Variants in POLK observed in about 807,000 individuals in gnomAD.
POLK encodes DNA polymerase kappa, also known as polymerase (DNA directed) kappa.
A neutral mutation model predicts 94.0 loss-of-function variants in POLK; 76 were observed. The ratio of observed to expected loss-of-function variants is 0.81; its 90% CI spans 0.67 to 0.98. The LOEUF is 0.98. POLK is among the 50% of genes least tolerant of loss of function. The pLI, the probability that POLK is intolerant of heterozygous loss-of-function variation, is 0.00. For synonymous variants in POLK, 349 were observed against 325.4 expected (o/e 1.07, Z -0.78); for missense variants, 954 against 1,010.1 (o/e 0.94, Z 0.75).
intron 5 of POLK, among the ~76,000 whole-genome samples, chr5:75,576,014 G>C (rs1771854240): frequency 6.6e-6 from 1 of 151,830 alleles, no homozygotes; most frequent in African/African-American, 2.4e-5. Flanking sequence ...TAATACTTAA[G>C]TGGTTAGAAA....
At chr5:75,530,414 T>C (rs926959370) in intron 1 of POLK, among the ~76,000 whole-genome samples, 3 of 115,216 alleles carry the variant, frequency 2.6e-5, no homozygotes, top group Admixed American at 8.6e-5. Flanking sequence ...TTTTTTTTTT[T>C]TTTTTTTTGA....
At chr5:75,536,636 T>G (rs1032579912) in intron 1 of POLK, among the ~76,000 whole-genome samples, 1 of 152,024 alleles carries the variant, frequency 6.6e-6, no homozygotes, top group Non-Finnish European at 1.5e-5. Flanking sequence ...CCCTGGGTGT[T>G]TGCTGGGACA....
exon 15 of POLK, chr5:75,600,937 C>A (rs1276047327): frequency 6.6e-6 from 1 of 152,022 alleles, no homozygotes; most frequent in East Asian, 1.9e-4. Flanking sequence ...GTCCCCAGAA[C>A]CAGAATAATG....
intron 1 of POLK, chr5:75,535,073 T>C (rs1769378241): frequency 6.6e-6 from 1 of 152,260 alleles, no homozygotes; most frequent in Non-Finnish European, 1.5e-5. Context: ...TAGTTAAATG[T>C]GCTTTTGTAG....
At chr5:75,512,775 T>G (rs1386527088) in intron 1 of POLK, 5 of 150,530 alleles carry the variant, frequency 3.3e-5, no homozygotes, top group African/African-American at 1.2e-4. Flanking sequence ...TTATTAAACC[T>G]TAGAAAGAGT....
At chr5:75,518,660 G>A (rs1457959481) in intron 1 of POLK, among the ~76,000 whole-genome samples, 1 of 151,888 alleles carries the variant, frequency 6.6e-6, no homozygotes, top group Non-Finnish European at 1.5e-5. Flanking sequence ...CTAATGTTGG[G>A]TTTGGATTGT....
intron 3 of POLK, 75 bp downstream of exon 3, chr5:75,552,666 T>C: frequency 7.5e-7 from 1 of 1,330,650 alleles, no homozygotes; most frequent in Non-Finnish European, 1.0e-6. Flanking sequence ...TGTCAAGTCA[T>C]AACTGAAAAC....
chr5:75,579,971 T>TA (rs760963756), intron 6 of POLK, among the ~76,000 whole-genome samples: 7,273 of 125,388 alleles, frequency 0.058, 550 homozygotes, highest in African/African-American at 0.18. Flanking sequence ...GACCCTGTCT[T>TA]AAAAAAAAAA....
rs1250849402 is a variant in POLK at position 75,578,064 on chromosome 5, G to A, written c.694+1131G>A. 2.6e-5 allele frequency among the ~76,000 whole-genome samples: 4 copies of A among 152,124 alleles called. No homozygotes were observed. In the East Asian group the frequency reaches 5.8e-4, roughly 22 times the overall value. The stretch of plus-strand genomic sequence containing the variant: ...AAAATCATTAAATAATTATGTCAAA[G>A]CATCCCCTGAGGGCCTCCCATAACA... On this transcript the variant is annotated intron_variant, in intron 6 of 14. Transcript: ENST00000241436.
intron 5 of POLK, 23 bp from the exon 6 acceptor site, chr5:75,576,757 A>C: frequency 7.1e-7 from 1 of 1,401,714 alleles, no homozygotes; most frequent in South Asian, 1.7e-5. Context: ...CAAAATTTAA[A>C]CTTTTTTTTG....
chr5:75,563,330 T>A (rs764988472), intron 3 of POLK, among the ~76,000 whole-genome samples: 77 of 152,186 alleles, frequency 5.1e-4, no homozygotes, highest in Non-Finnish European at 8.7e-4. Context: ...ATTTTGTTAA[T>A]CTTTTCAAAA....
Position 75,547,118 on chromosome 5 carries a change from TA to T in POLK, c.99del (p.Glu34ArgfsTer7). On this transcript the variant is annotated frameshift_variant, in exon 2 of 15. Transcript: ENST00000241436. LOFTEE classifies it high-confidence loss of function. ...ATAAAGCAGGAATGGAAGGATTAGA[TA>T]AAGAGAAAATTAACAAAATTATAAT... The T allele has an allele frequency of 6.5e-7, 1 of 1,543,878 alleles. No homozygotes were observed. Among genetic ancestry groups the T allele is most frequent in the Non-Finnish European group, 8.9e-7 (1 of 1,129,010 alleles).
chr5:75,570,897 CTGA>C (rs1356060394), intron 4 of POLK, among the ~76,000 whole-genome samples: 1 of 152,166 alleles, frequency 6.6e-6, no homozygotes. Flanking sequence ...ATGCAGGCAG[CTGA>C]TAAGTCTGAT....
At chr5:75,544,368 C>G (rs951940063) in intron 1 of POLK, among the ~76,000 whole-genome samples, 20 of 152,188 alleles carry the variant, frequency 1.3e-4, no homozygotes, top group African/African-American at 4.6e-4. Flanking sequence ...CAACAAGAGC[C>G]AGGTGTGGTG....
At chr5:75,599,475 T>G (rs188206199) in exon 15 of POLK, 2 of 152,270 alleles carry the variant, frequency 1.3e-5, no homozygotes, top group East Asian at 1.9e-4. Flanking sequence ...AATTACTAGA[T>G]TCTTCAAATT....
intron 3 of POLK, among the ~76,000 whole-genome samples, chr5:75,566,910 A>G (rs938894708): frequency 9.9e-5 from 15 of 152,250 alleles, no homozygotes; most frequent in African/African-American, 3.4e-4. Context: ...AGAACTTGAA[A>G]GTCATTGGAA....
intron 2 of POLK, among the ~76,000 whole-genome samples, chr5:75,548,057 G>A (rs1041063534): frequency 1.3e-5 from 2 of 152,066 alleles, no homozygotes; most frequent in Non-Finnish European, 2.9e-5. Flanking sequence ...TGAAGAGCTA[G>A]GACAATAGGC....
chr5:75,511,164 T>C (rs1767966296), upstream of POLK: 1 of 1,611,846 alleles, frequency 6.2e-7, no homozygotes. Context: ...CGTCTCTGGA[T>C]CCTCCTCCGA....
At chr5:75,609,819 A>G in the POLK span, 4 of 152,094 alleles carry the variant, frequency 2.6e-5, no homozygotes, top group African/African-American at 7.2e-5. Flanking sequence ...TTGTTTTTTC[A>G]TTGATTAGGA....
Sources: gnomAD v4.1 joint callset for allele counts (sites outside exome capture counted in the v4.1 genomes callset) on GRCh38, gnomAD v4.1.1 for gene constraint, MANE v1.5 for transcripts, NCBI Gene and HGNC (gene_info 2026-07-23, HGNC 2026-07-21) for gene names.